Variants in ANK3 observed in about 807,000 individuals in gnomAD.
ANK3 encodes the protein ankyrin 3.
A neutral mutation model predicts 370.9 loss-of-function variants in ANK3; 57 were observed. The observed-to-expected ratio is 0.15, with a 90% confidence interval of 0.12 to 0.19. ANK3 has a LOEUF of 0.19. Among genes scored for constraint, ANK3 ranks in the 10% least tolerant of loss-of-function variants. ANK3 has a pLI of 1.00. For synonymous variants in ANK3, 1,929 were observed against 1,946.3 expected, an observed-to-expected ratio of 0.99 and a Z score of 0.23; for missense variants, 4,439 against 5,302.1, an observed-to-expected ratio of 0.84 and a Z score of 5.06.
intron 2 of ANK3, among the ~76,000 whole-genome samples, chr10:60,416,065 C>T (rs1434529635): frequency 4.0e-5 from 6 of 151,612 alleles, no homozygotes; most frequent in Admixed American, 2.6e-4. Context: ...ATAAAAAAGA[C>T]CCAAGAAAGA....
At chr10:60,142,502 T>C (rs1288995260) in intron 23 of ANK3, among the ~76,000 whole-genome samples, 1 of 152,046 alleles carries the variant, frequency 6.6e-6, no homozygotes, top group Non-Finnish European at 1.5e-5. Context: ...TGACTGATAA[T>C]AAATATAAGT....
At chr10:60,222,821 C>T (rs2097083900) in intron 8 of ANK3, among the ~76,000 whole-genome samples, 1 of 152,142 alleles carries the variant, frequency 6.6e-6, no homozygotes, top group East Asian at 1.9e-4. Context: ...GAGTTCCTTT[C>T]CCACTTCCTA....
intron 1 of ANK3, among the ~76,000 whole-genome samples, chr10:60,288,321 CT>C (rs1314538509): frequency 3.3e-5 from 5 of 152,180 alleles, no homozygotes; most frequent in Admixed American, 3.3e-4. Context: ...TTGGTCTGTT[CT>C]GCTTAGGATC....
At chr10:60,110,071 G>A (rs1455443527) in intron 26 of ANK3, among the ~76,000 whole-genome samples, 1 of 152,038 alleles carries the variant, frequency 6.6e-6, no homozygotes, top group Non-Finnish European at 1.5e-5. Flanking sequence ...GTACAAAATG[G>A]TGATAATTAG....
intron 28 of ANK3, among the ~76,000 whole-genome samples, chr10:60,103,478 C>G (rs571967275): frequency 2.7e-5 from 1 of 36,438 alleles, no homozygotes; most frequent in South Asian, 1.7e-3. Context: ...TTTAAAAAGA[C>G]AGATTTGGGA....
chr10:60,091,885 C>A (rs1034854115), intron 28 of ANK3, among the ~76,000 whole-genome samples: 3 of 152,134 alleles, frequency 2.0e-5, no homozygotes, highest in Non-Finnish European at 4.4e-5. Context: ...CATGCGCCAC[C>A]ATGCCCAGCT....
intron 2 of ANK3, among the ~76,000 whole-genome samples, chr10:60,475,115 T>C (rs1219690526): frequency 5.3e-5 from 8 of 152,176 alleles, no homozygotes; most frequent in Non-Finnish European, 1.2e-4. Flanking sequence ...GCACTGAAAG[T>C]AGCACATTCA....
chr10:60,160,503 C>G (rs1210503394), intron 23 of ANK3, among the ~76,000 whole-genome samples: 1 of 152,074 alleles, frequency 6.6e-6, no homozygotes, highest in East Asian at 1.9e-4. Flanking sequence ...ATTAATCCTA[C>G]TTATATTATT....
chr10:60,253,995 C>T (rs1490770796), intron 7 of ANK3, among the ~76,000 whole-genome samples: 1 of 151,996 alleles, frequency 6.6e-6, no homozygotes, highest in African/African-American at 2.4e-5. Flanking sequence ...GGAAAATATA[C>T]AGTCATCCTA....
intron 7 of ANK3, among the ~76,000 whole-genome samples, chr10:60,238,881 TA>T (rs781751922): frequency 1.1e-4 from 16 of 151,892 alleles, no homozygotes; most frequent in Non-Finnish European, 1.8e-4. Context: ...CTACACACAA[TA>T]TCCAGTGTTC....
At chr10:60,581,515 C>T (rs1047185866) in intron 2 of ANK3, among the ~76,000 whole-genome samples, 1 of 150,562 alleles carries the variant, frequency 6.6e-6, no homozygotes, top group Non-Finnish European at 1.5e-5. Context: ...AGCTTTGCCA[C>T]CCGGGTTCAA....
intron 9 of ANK3, among the ~76,000 whole-genome samples, chr10:60,211,624 G>C (rs752303615): frequency 1.3e-5 from 2 of 152,062 alleles, no homozygotes; most frequent in Non-Finnish European, 2.9e-5. Context: ...TATGATTAAA[G>C]TATGCATAAA....
rs192005963 is a variant in ANK3 at position 60,395,890 on chromosome 10, A to G, written c.97-116251T>C. ...GTGCTACAGAAGCAGGGATGGGGTA[A>G]CGTAAAACAGAATGAAGAGGTCAGC... On this transcript the variant is annotated intron_variant, in intron 2 of 43. Transcript: ENST00000373827. Among the ~76,000 whole-genome samples, 422 of 152,242 alleles carry G rather than the reference A, an allele frequency of 2.8e-3. 2 individuals are homozygous for G. The highest frequency in any genetic ancestry group is 4.0e-3 in the Non-Finnish European group (270 of 68,018).
chr10:60,433,966 C>T (rs1279229717), intron 2 of ANK3, among the ~76,000 whole-genome samples: 1 of 152,166 alleles, frequency 6.6e-6, no homozygotes, highest in Non-Finnish European at 1.5e-5. Flanking sequence ...TTGGCATGTG[C>T]TAAACAGATT....
At chr10:60,503,717 T>C (rs553808652) in intron 2 of ANK3, among the ~76,000 whole-genome samples, 1 of 152,332 alleles carries the variant, frequency 6.6e-6, no homozygotes, top group African/African-American at 2.4e-5. Context: ...ATATCTCATA[T>C]TCTCCTTTTG....
chr10:60,043,418 T>C (rs2076448883), intron 42 of ANK3: 2 of 984,012 alleles, frequency 2.0e-6, no homozygotes, highest in Admixed American at 1.2e-4. Context: ...TCTATTGAAG[T>C]TTCTATTTTT....
At chr10:60,046,838 G>A (rs1457721891) in intron 42 of ANK3, among the ~76,000 whole-genome samples, 5 of 134,308 alleles carry the variant, frequency 3.7e-5, no homozygotes, top group African/African-American at 5.9e-5. Flanking sequence ...ATGGAGTCTC[G>A]CTCTGTTGCC....
intron 1 of ANK3, among the ~76,000 whole-genome samples, chr10:60,694,018 G>A (rs2079401842): frequency 6.6e-6 from 1 of 152,068 alleles, no homozygotes; most frequent in African/African-American, 2.4e-5. Context: ...TTAGAAGAAT[G>A]TACAACTAGA....
At chr10:60,124,338 A>T (rs963423965) in intron 25 of ANK3, among the ~76,000 whole-genome samples, 13 of 150,080 alleles carry the variant, frequency 8.7e-5, no homozygotes, top group South Asian at 2.1e-4. Flanking sequence ...ATTTTATTTT[A>T]TTTTTTTTTG....
Sources: gnomAD v4.1 joint callset for allele counts (sites outside exome capture counted in the v4.1 genomes callset) on GRCh38, gnomAD v4.1.1 for gene constraint, MANE v1.5 for transcripts, NCBI Gene and HGNC (gene_info 2026-07-23, HGNC 2026-07-21) for gene names.